Variants in MPPED2 observed in about 807,000 individuals in gnomAD.
MPPED2 encodes the protein metallophosphoesterase MPPED2.
Under a neutral mutation model 33.0 loss-of-function variants are expected in MPPED2, and 5 were observed. That is an observed-to-expected ratio of 0.15 (90% CI 0.08 to 0.32). The LOEUF is 0.32. Among genes scored for constraint, MPPED2 ranks in the 10% least tolerant of loss-of-function variants. The probability of loss-of-function intolerance (pLI) is 1.00; values close to 1 mark genes in which losing one functional copy is unlikely to be tolerated. For synonymous variants in MPPED2, 136 were observed against 141.9 expected (o/e 0.96, Z 0.29); for missense variants, 275 against 372.1 (o/e 0.74, Z 2.15).
chr11:30,428,013 C>G (rs566833897), intron 4 of MPPED2, among the ~76,000 whole-genome samples: 15 of 152,204 alleles, frequency 9.9e-5, no homozygotes, highest in African/African-American at 3.6e-4. Flanking sequence ...CATTAATGCC[C>G]TAGAATATTA....
intron 2 of MPPED2, among the ~76,000 whole-genome samples, chr11:30,575,425 A>C (rs190172742): frequency 8.1e-4 from 124 of 152,250 alleles, no homozygotes; most frequent in Non-Finnish European, 1.4e-3. Flanking sequence ...GGGTCATTAA[A>C]CCTATTTTAC....
chr11:30,551,290 T>C (rs1955699219), intron 2 of MPPED2, among the ~76,000 whole-genome samples: 1 of 152,330 alleles, frequency 6.6e-6, no homozygotes, highest in South Asian at 2.1e-4. Flanking sequence ...AGGTAGGTAT[T>C]ATTAATCCCA....
intron 3 of MPPED2, among the ~76,000 whole-genome samples, chr11:30,512,485 C>CA (rs980091404): frequency 3.3e-5 from 5 of 149,972 alleles, no homozygotes; most frequent in African/African-American, 7.4e-5. Flanking sequence ...AACAAACAAA[C>CA]AAAAAAACTG....
intron 2 of MPPED2, among the ~76,000 whole-genome samples, chr11:30,537,695 T>G (rs1954886152): frequency 6.6e-6 from 1 of 152,094 alleles, no homozygotes; most frequent in Non-Finnish European, 1.5e-5. Context: ...AGGAAGGAAT[T>G]GTGAACTGGT....
At chr11:30,516,957 G>A (rs1953568209) in intron 3 of MPPED2, among the ~76,000 whole-genome samples, 1 of 152,126 alleles carries the variant, frequency 6.6e-6, no homozygotes, top group Non-Finnish European at 1.5e-5. Flanking sequence ...CTGTATGGAT[G>A]GGTTGGCTGT....
chr11:30,469,728 T>C (rs1484911150), intron 4 of MPPED2, among the ~76,000 whole-genome samples: 1 of 152,138 alleles, frequency 6.6e-6, no homozygotes, highest in African/African-American at 2.4e-5. Context: ...ATCATTATCA[T>C]TATCATCTTC....
At chr11:30,424,738 AC>A (rs1179815493) in intron 4 of MPPED2, among the ~76,000 whole-genome samples, 1 of 150,870 alleles carries the variant, frequency 6.6e-6, no homozygotes, top group African/African-American at 2.4e-5. Context: ...GTACCACCCC[AC>A]CCCCAACTCC....
intron 4 of MPPED2, among the ~76,000 whole-genome samples, chr11:30,421,947 G>A (rs1372457770): frequency 6.6e-6 from 1 of 152,150 alleles, no homozygotes; most frequent in Non-Finnish European, 1.5e-5. Flanking sequence ...CAAGACAGTG[G>A]CAGGCAATGG....
At chr11:30,543,766 TA>T (rs1287953452) in intron 2 of MPPED2, among the ~76,000 whole-genome samples, 1 of 148,032 alleles carries the variant, frequency 6.8e-6, no homozygotes, top group Non-Finnish European at 1.5e-5. Flanking sequence ...GTGATTGAAC[TA>T]AGGCGTTCCA....
At chr11:30,555,368 T>C (rs889089913) in intron 2 of MPPED2, among the ~76,000 whole-genome samples, 2 of 152,140 alleles carry the variant, frequency 1.3e-5, no homozygotes, top group African/African-American at 4.8e-5. Flanking sequence ...TGTGAGTCAG[T>C]GGCAAGGCTG....
At chr11:30,581,542 G>A (rs149804537) in intron 1 of MPPED2, among the ~76,000 whole-genome samples, 12 of 152,258 alleles carry the variant, frequency 7.9e-5, no homozygotes, top group East Asian at 7.7e-4. Context: ...AGTGCACAAC[G>A]TCAGAATAGG....
chr11:30,532,718 A>T (rs1274056040), intron 3 of MPPED2, among the ~76,000 whole-genome samples: 1 of 152,204 alleles, frequency 6.6e-6, no homozygotes, highest in Admixed American at 6.5e-5. Context: ...TAATCATTAC[A>T]TGTTATACTC....
intron 2 of MPPED2, among the ~76,000 whole-genome samples, chr11:30,567,329 A>G (rs1298725471): frequency 6.6e-6 from 1 of 152,198 alleles, no homozygotes; most frequent in Non-Finnish European, 1.5e-5. Flanking sequence ...TCTTAGGGGC[A>G]GGCCTAGAAT....
chr11:30,392,596 A>G (rs1457620256), intron 6 of MPPED2, among the ~76,000 whole-genome samples: 4 of 152,230 alleles, frequency 2.6e-5, no homozygotes, highest in Admixed American at 2.6e-4. Flanking sequence ...ACAGTTTTCA[A>G]ACAGGGCTTT....
At chr11:30,468,546 G>A (rs1293879813) in intron 4 of MPPED2, among the ~76,000 whole-genome samples, 1 of 151,932 alleles carries the variant, frequency 6.6e-6, no homozygotes, top group Non-Finnish European at 1.5e-5. Context: ...GGAAAAAGAG[G>A]GTAAAAGGAG....
chr11:30,405,075 G>A (rs1002172939), intron 6 of MPPED2, among the ~76,000 whole-genome samples: 2 of 152,102 alleles, frequency 1.3e-5, no homozygotes, highest in Admixed American at 1.3e-4. Context: ...AGGTAGGTTG[G>A]GGGATCCAGA....
chr11:30,585,810 C>T (rs1420181270), intron 1 of MPPED2, among the ~76,000 whole-genome samples: 3 of 152,202 alleles, frequency 2.0e-5, no homozygotes, highest in Non-Finnish European at 4.4e-5. Flanking sequence ...AATCAGCCCT[C>T]CCCGAGCGCC....
chr11:30,552,756 C>A (rs571540746), intron 2 of MPPED2, among the ~76,000 whole-genome samples: 3 of 152,178 alleles, frequency 2.0e-5, no homozygotes, highest in South Asian at 2.1e-4. Flanking sequence ...TTTGCTATAC[C>A]CCCCAAAGGC....
At chr11:30,389,155 A>C (rs1779122888) in intron 6 of MPPED2, among the ~76,000 whole-genome samples, 1 of 152,164 alleles carries the variant, frequency 6.6e-6, no homozygotes, top group African/African-American at 2.4e-5. Flanking sequence ...TCCACCAAGC[A>C]GTTGCCTTGC....
Sources: allele counts gnomAD v4.1 joint callset (sites outside exome capture counted in the v4.1 genomes callset), GRCh38; gene constraint gnomAD v4.1.1; transcripts MANE v1.5; gene names NCBI Gene and HGNC (gene_info 2026-07-23, HGNC 2026-07-21).